POPDC3: variants seen among roughly 807,000 people sequenced by gnomAD.
The protein encoded by POPDC3 is popeye domain-containing protein 3.
POPDC3 carries 20 observed loss-of-function variants against 28.2 expected under a neutral mutation model. The ratio of observed to expected loss-of-function variants is 0.71; its 90% CI spans 0.50 to 1.03. The LOEUF is 1.03. Ranked by LOEUF, POPDC3 falls within the 50% of genes least tolerant of loss-of-function variation. The pLI, the probability that POPDC3 is intolerant of heterozygous loss-of-function variation, is 0.00. For missense variants in POPDC3, 316 were observed against 345.9 expected (o/e 0.91, Z 0.69); for synonymous variants, 118 against 124.1 (o/e 0.95, Z 0.33).
intron 1 of POPDC3, among the ~76,000 whole-genome samples, chr6:105,171,017 G>A (rs576330343): frequency 4.6e-5 from 7 of 152,306 alleles, no homozygotes; most frequent in African/African-American, 1.2e-4. Flanking sequence ...GAATGAGCAT[G>A]TTTTTATATA....
At chr6:105,160,078 TTA>T (rs1226727671) in intron 2 of POPDC3, 2 of 297,978 alleles carry the variant, frequency 6.7e-6, no homozygotes, top group Non-Finnish European at 1.3e-5. Context: ...AGTTGTACAT[TTA>T]TATATGTCCA....
intron 1 of POPDC3, among the ~76,000 whole-genome samples, chr6:105,170,602 T>C (rs1182472680): frequency 6.6e-6 from 1 of 152,212 alleles, no homozygotes; most frequent in African/African-American, 2.4e-5. Flanking sequence ...ATCACGCTTA[T>C]TGTCTCAACA....
At chr6:105,178,627 A>C (rs1774725921) in intron 1 of POPDC3, 4 of 541,378 alleles carry the variant, frequency 7.4e-6, no homozygotes, top group African/African-American at 2.1e-5. Flanking sequence ...TCAGGACAGA[A>C]CCTCAGAGAT....
At chr6:105,177,041 AT>A (rs1774694495) in intron 1 of POPDC3, 52 of 340,238 alleles carry the variant, frequency 1.5e-4, no homozygotes, top group South Asian at 3.6e-4. Context: ...ATGTAAAAAA[AT>A]TTTAAATATA....
At chr6:105,159,912 C>A in intron 2 of POPDC3, 93 bp from the exon 3 acceptor site, 2 of 786,930 alleles carry the variant, frequency 2.5e-6, no homozygotes, top group Non-Finnish European at 4.4e-6. Context: ...TATTTCAGAT[C>A]CCTGATGACT....
intron 1 of POPDC3, among the ~76,000 whole-genome samples, chr6:105,167,827 AGTGG>A (rs1444519740): frequency 6.6e-6 from 1 of 152,030 alleles, no homozygotes; most frequent in Non-Finnish European, 1.5e-5. Context: ...TTTTAGAAAT[AGTGG>A]GTTAAGTAAA....
At chr6:105,160,715 C>T (rs1774305967) in intron 2 of POPDC3, among the ~76,000 whole-genome samples, 1 of 152,180 alleles carries the variant, frequency 6.6e-6, no homozygotes. Context: ...GCCTCAGCCT[C>T]CCGAGTAGCT....
intron 1 of POPDC3, among the ~76,000 whole-genome samples, chr6:105,171,766 C>G (rs952516689): frequency 1.1e-4 from 15 of 141,914 alleles, no homozygotes; most frequent in Admixed American, 6.9e-5. Flanking sequence ...TATTTAAGTC[C>G]AGTTTTCAAA....
At chr6:105,158,932 T>G in intron 3 of POPDC3, 181 bp from the exon 4 acceptor site, 1 of 462,662 alleles carries the variant, frequency 2.2e-6, no homozygotes, top group Admixed American at 3.7e-5. Flanking sequence ...CATACGTAAT[T>G]TATAATATGA....
intron 2 of POPDC3, among the ~76,000 whole-genome samples, chr6:105,160,772 A>G (rs938322210): frequency 1.3e-5 from 2 of 148,332 alleles, no homozygotes; most frequent in Admixed American, 6.8e-5. Context: ...TTGTTTTTCT[A>G]TTTTTTCAGT....
intron 2 of POPDC3, among the ~76,000 whole-genome samples, chr6:105,160,886 T>C (rs561347556): frequency 6.6e-6 from 1 of 152,150 alleles, no homozygotes; most frequent in African/African-American, 2.4e-5. Flanking sequence ...CAGGTGTTTT[T>C]GGGATTACAG....
intron 1 of POPDC3, among the ~76,000 whole-genome samples, chr6:105,174,782 A>C (rs1043078523): frequency 6.6e-6 from 1 of 152,242 alleles, no homozygotes; most frequent in Admixed American, 6.5e-5. Flanking sequence ...CTAGCCAATC[A>C]AAGGATGAAT....
At chr6:105,162,570 A>G (rs529381286) in intron 1 of POPDC3, among the ~76,000 whole-genome samples, 28 of 152,140 alleles carry the variant, frequency 1.8e-4, no homozygotes, top group Middle Eastern at 6.8e-3. Flanking sequence ...TGTCTCTACT[A>G]AAAATAGAAA....
chr6:105,170,957 C>T (rs1207361349), intron 1 of POPDC3, among the ~76,000 whole-genome samples: 6 of 152,056 alleles, frequency 3.9e-5, no homozygotes, highest in East Asian at 1.9e-4. Flanking sequence ...TATGGTGAAG[C>T]GGTGGAAGAA....
At chr6:105,179,217 G>A (rs1309261667) in intron 1 of POPDC3, 11 of 985,274 alleles carry the variant, frequency 1.1e-5, no homozygotes, top group African/African-American at 1.7e-5. Flanking sequence ...TTTGGCAGGG[G>A]GATCCCCAAA....
chr6:105,161,689 G>T lies in POPDC3; in HGVS notation c.221C>A (p.Ala74Glu), dbSNP rs755096742. The change falls in exon 2 of 4, where the codon GCA (alanine) becomes GAA (glutamate). Residue 74 changes from alanine to glutamate, a missense_variant. Transcript: ENST00000254765. ...AAAATTCCAGGAAAATATGTCAGCT[G>T]CACAGACATCTACCCAAGCCCAGAC... ...SAVWAWVDVC[A>E]ADIFSWNFVL... 6.2e-7 allele frequency: 1 copy of T among 1,614,184 alleles called. No homozygotes were observed. Among genetic ancestry groups the T allele is most frequent in the Non-Finnish European group, 8.5e-7 (1 of 1,180,036 alleles).
chr6:105,162,796 G>A (rs1024069877), intron 1 of POPDC3, among the ~76,000 whole-genome samples: 30 of 152,304 alleles, frequency 2.0e-4, no homozygotes, highest in Non-Finnish European at 3.1e-4. Context: ...GAATCATTGC[G>A]GGTGGGGCCC....
At chr6:105,176,761 G>A (rs1774689687) in intron 1 of POPDC3, among the ~76,000 whole-genome samples, 1 of 151,956 alleles carries the variant, frequency 6.6e-6, no homozygotes. Context: ...GTTTCACCAC[G>A]TTGGCCAGGC....
Position 105,162,153 on chromosome 6 carries a change from G to A in POPDC3, c.-244C>T. 8.0e-7 allele frequency: 1 copy of A among 1,248,242 alleles called. No homozygotes were observed. Among genetic ancestry groups the A allele is most frequent in the Non-Finnish European group, 1.0e-6 (1 of 998,616 alleles). 77.3% of individuals were successfully genotyped at this position (1,248,242 alleles called of 1,614,324 possible). On this transcript the variant is annotated 5_prime_UTR_variant, in exon 2 of 4. Transcript: ENST00000254765. Reference sequence around the variant, plus strand: ...TTTGGATCCAGTCTGCAAATATTTTGGTATTTCCTATGCAAGAGAAAAAAA... The same window carrying A: ...TTTGGATCCAGTCTGCAAATATTTTAGTATTTCCTATGCAAGAGAAAAAAA...
Sources: gnomAD v4.1 joint callset for allele counts (sites outside exome capture counted in the v4.1 genomes callset) on GRCh38, gnomAD v4.1.1 for gene constraint, MANE v1.5 for transcripts, NCBI Gene and HGNC (gene_info 2026-07-23, HGNC 2026-07-21) for gene names.